Variants in GREB1L observed in about 807,000 individuals in gnomAD.
The protein encoded by GREB1L is GREB1 like retinoic acid receptor coactivator.
In GREB1L, 17 loss-of-function variants were observed where a neutral mutation model predicts 200.8. That is an observed-to-expected ratio of 0.08 (90% CI 0.06 to 0.13). GREB1L has a LOEUF of 0.13. Ranked by LOEUF, GREB1L falls within the 10% of genes least tolerant of loss-of-function variation. GREB1L has a pLI of 1.00. For synonymous variants in GREB1L, 789 were observed against 893.0 expected, an observed-to-expected ratio of 0.88 and a Z score of 2.08; for missense variants, 1,657 against 2,367.7, an observed-to-expected ratio of 0.70 and a Z score of 6.23.
Position 21,449,715 on chromosome 18 carries a change from G to A in GREB1L, c.1599G>A (p.Glu533=), listed in dbSNP as rs1337810802. The change falls in exon 12 of 33, where the codon GAG becomes GAA. Residue 533 remains glutamate (E), a synonymous_variant. Transcript: ENST00000424526. ...TTGTGACCCAGAACTCTTTGGCGGA[G>A]GGCATTTCAGAGACCTTAAGGACTC... ...HVVVTQNSLA[E]GISETLRTLS... The A allele has an allele frequency of 2.6e-6, 4 of 1,551,660 alleles. No homozygotes were observed. The highest frequency in any genetic ancestry group is 1.7e-4 in the Middle Eastern group (1 of 5,992).
intron 7 of GREB1L, among the ~76,000 whole-genome samples, chr18:21,414,236 CT>C (rs1485603279): frequency 6.6e-6 from 1 of 151,970 alleles, no homozygotes; most frequent in Non-Finnish European, 1.5e-5. Flanking sequence ...GTGCAGCCAC[CT>C]AGGAAATAAT....
At chr18:21,369,052 ATACTT>A (rs2039776831) in intron 2 of GREB1L, among the ~76,000 whole-genome samples, 1 of 152,226 alleles carries the variant, frequency 6.6e-6, no homozygotes, top group African/African-American at 2.4e-5. Context: ...CTTTCTCACT[ATACTT>A]TTTAAAGCAT....
chr18:21,511,782 G>C (rs1465297502), intron 27 of GREB1L, among the ~76,000 whole-genome samples: 23 of 152,156 alleles, frequency 1.5e-4, no homozygotes, highest in Non-Finnish European at 4.4e-5. Flanking sequence ...GAGTGGCTAG[G>C]ACTATAGGCG....
At chr18:21,468,686 C>T (rs769311981) in intron 15 of GREB1L, 3 of 456,460 alleles carry the variant, frequency 6.6e-6, no homozygotes, top group South Asian at 4.7e-5. Context: ...AACGAAAGAT[C>T]TCACCAATCT....
At chr18:21,359,186 T>C (rs976530417) in intron 1 of GREB1L, among the ~76,000 whole-genome samples, 61 of 152,380 alleles carry the variant, frequency 4.0e-4, no homozygotes, top group African/African-American at 1.4e-3. Flanking sequence ...CTGGGCACAA[T>C]GGCTCACGCC....
Position 21,515,629 on chromosome 18 carries a change from A to G in GREB1L, c.5114A>G (p.Gln1705Arg), listed in dbSNP as rs1180960953. ...LLNTDLTQNV[Q>R]YDFNRYFCED... is the part of the protein sequence containing the mutation. ...AACACAGACTTGACTCAGAATGTGCAGTATGACTTCAACAGGTAAGTCAGG... is the reference window on the plus strand; with the variant it reads ...AACACAGACTTGACTCAGAATGTGCGGTATGACTTCAACAGGTAAGTCAGG... The change falls in exon 29 of 33, where the codon CAG (glutamine) becomes CGG (arginine). Residue 1705 changes from glutamine (Q) to arginine (R), a missense_variant. Physicochemically the swap from Gln to Arg is conservative, Grantham distance 43. Coordinates refer to ENST00000424526, the MANE Select transcript of GREB1L (RefSeq NM_001142966.3). 6.4e-7 allele frequency: 1 copy of G among 1,551,234 alleles called. No individual in the cohort carries two copies.
intron 2 of GREB1L, among the ~76,000 whole-genome samples, chr18:21,382,896 G>T (rs547940297): frequency 2.0e-5 from 3 of 152,064 alleles, no homozygotes; most frequent in Admixed American, 2.0e-4. Context: ...TTAATTGAAG[G>T]GTCCCAAATA....
chr18:21,425,728 A>C (rs982464661), intron 7 of GREB1L, among the ~76,000 whole-genome samples: 4 of 152,084 alleles, frequency 2.6e-5, no homozygotes, highest in African/African-American at 7.2e-5. Flanking sequence ...TCAATTTTTC[A>C]GTTGGGTTGA....
intron 22 of GREB1L, 90 bp from the exon 23 acceptor site, chr18:21,500,450 C>T: frequency 1.0e-6 from 1 of 997,694 alleles, no homozygotes; most frequent in Non-Finnish European, 1.5e-6. Flanking sequence ...GCAGGAGACA[C>T]TGCAGAGCCA....
chr18:21,290,389 C>T (rs927900436), intron 1 of GREB1L, among the ~76,000 whole-genome samples: 10 of 152,102 alleles, frequency 6.6e-5, no homozygotes, highest in African/African-American at 1.7e-4. Context: ...ATTTTGAAAT[C>T]ACAATACTCT....
intron 15 of GREB1L, among the ~76,000 whole-genome samples, chr18:21,460,109 T>A (rs1353135118): frequency 6.6e-6 from 1 of 152,136 alleles, no homozygotes; most frequent in African/African-American, 2.4e-5. Context: ...TGGGGAAAAA[T>A]CAACCTTTCC....
intron 15 of GREB1L, among the ~76,000 whole-genome samples, chr18:21,463,433 C>T (rs2035139652): frequency 1.3e-5 from 2 of 152,112 alleles, no homozygotes; most frequent in South Asian, 4.1e-4. Context: ...GCGTGAGCCA[C>T]CGCACCCGGC....
chr18:21,261,001 A>AT (rs1286503873), intron 1 of GREB1L, among the ~76,000 whole-genome samples: 4 of 151,952 alleles, frequency 2.6e-5, no homozygotes, highest in Non-Finnish European at 5.9e-5. Flanking sequence ...ACTGAGTATT[A>AT]TTTTTTAGTT....
At chr18:21,258,629 T>A (rs2037839667) in intron 1 of GREB1L, among the ~76,000 whole-genome samples, 1 of 152,168 alleles carries the variant, frequency 6.6e-6, no homozygotes, top group South Asian at 2.1e-4. Context: ...GCTAGTTCAG[T>A]AGCATTATCT....
chr18:21,360,437 C>A (rs2039566254), intron 1 of GREB1L, among the ~76,000 whole-genome samples: 1 of 152,038 alleles, frequency 6.6e-6, no homozygotes, highest in African/African-American at 2.4e-5. Context: ...TGTTGGCCAG[C>A]CTGGTCTCAA....
chr18:21,306,612 A>C (rs1238808809), intron 1 of GREB1L, among the ~76,000 whole-genome samples: 1 of 152,390 alleles, frequency 6.6e-6, no homozygotes, highest in East Asian at 1.9e-4. Context: ...CTGAACAGGC[A>C]GTAGCCATGC....
chr18:21,400,376 A>C (rs2041267565), intron 5 of GREB1L, among the ~76,000 whole-genome samples: 1 of 152,226 alleles, frequency 6.6e-6, no homozygotes, highest in East Asian at 1.9e-4. Flanking sequence ...CAGTATGAAT[A>C]AACAGGTGTT....
At chr18:21,474,200 A>G (rs1337285231) in intron 16 of GREB1L, among the ~76,000 whole-genome samples, 1 of 152,206 alleles carries the variant, frequency 6.6e-6, no homozygotes, top group South Asian at 2.1e-4. Flanking sequence ...GCATTAACCC[A>G]AAAATCCAAG....
chr18:21,284,708 G>A (rs752885509), intron 1 of GREB1L, among the ~76,000 whole-genome samples: 2 of 152,130 alleles, frequency 1.3e-5, no homozygotes, highest in Non-Finnish European at 2.9e-5. Flanking sequence ...TGGATTTGCT[G>A]GGTCATGTGG....
Sources: gnomAD v4.1 joint callset for allele counts (sites outside exome capture counted in the v4.1 genomes callset) on GRCh38, gnomAD v4.1.1 for gene constraint, MANE v1.5 for transcripts, NCBI Gene and HGNC (gene_info 2026-07-23, HGNC 2026-07-21) for gene names.